Variants in TENM2 observed in about 807,000 individuals in gnomAD.
TENM2 encodes teneurin transmembrane protein 2.
A neutral mutation model predicts 245.2 loss-of-function variants in TENM2; 52 were observed. The ratio of observed to expected loss-of-function variants is 0.21; its 90% CI spans 0.17 to 0.27. The LOEUF is 0.27. TENM2 is among the 10% of genes least tolerant of loss of function. The pLI, the probability that TENM2 is intolerant of heterozygous loss-of-function variation, is 1.00. For synonymous variants in TENM2, 1,363 were observed against 1,438.9 expected, an observed-to-expected ratio of 0.95 and a Z score of 1.19; for missense variants, 3,046 against 3,666.8, an observed-to-expected ratio of 0.83 and a Z score of 4.37.
chr5:167,827,023 A>T (rs1268156529), intron 2 of TENM2, among the ~76,000 whole-genome samples: 1 of 152,240 alleles, frequency 6.6e-6, no homozygotes, highest in Non-Finnish European at 1.5e-5. Context: ...CACCAAGTAG[A>T]AACTGACTGT....
At chr5:167,263,486 A>G in the TENM2 span, among the ~76,000 whole-genome samples, 1 of 152,240 alleles carries the variant, frequency 6.6e-6, no homozygotes, top group Non-Finnish European at 1.5e-5. Context: ...ATCTCTGGAC[A>G]GAATTCTATG....
intron 2 of TENM2, among the ~76,000 whole-genome samples, chr5:167,452,931 T>TTTATATATATATATATA (rs1264260420): frequency 2.0e-4 from 1 of 4,886 alleles, no homozygotes; most frequent in East Asian, 6.5e-3. Context: ...AAAGTATGAT[T>TTTATATATATATATATA]TATATATATA....
At chr5:168,165,058 C>T (rs1259744162) in intron 13 of TENM2, 1 of 152,098 alleles carries the variant, frequency 6.6e-6, no homozygotes, top group East Asian at 1.9e-4. Flanking sequence ...TTATGATTGC[C>T]ATTGTGCCTG....
the TENM2 span, among the ~76,000 whole-genome samples, chr5:167,181,464 GT>G: frequency 1.1e-3 from 126 of 112,052 alleles, no homozygotes; most frequent in African/African-American, 5.3e-3. Flanking sequence ...GGAGCCGCTC[GT>G]TTGTGTGTGT....
intron 2 of TENM2, among the ~76,000 whole-genome samples, chr5:167,523,892 A>G (rs1194422954): frequency 2.0e-5 from 3 of 152,260 alleles, no homozygotes; most frequent in African/African-American, 7.2e-5. Context: ...TGTGCCCTTC[A>G]TTGAGATCAG....
chr5:167,483,919 A>G (rs367835141), intron 2 of TENM2, among the ~76,000 whole-genome samples: 1 of 152,222 alleles, frequency 6.6e-6, no homozygotes, highest in Non-Finnish European at 1.5e-5. Flanking sequence ...TTGACATTTC[A>G]TGGTAGCCTC....
At chr5:167,056,902 A>G in the TENM2 span, among the ~76,000 whole-genome samples, 11 of 151,254 alleles carry the variant, frequency 7.3e-5, no homozygotes, top group Non-Finnish European at 1.2e-4. Context: ...CTCAGTCATT[A>G]TTGCTTCAAA....
chr5:167,415,203 G>T (rs920817833), intron 2 of TENM2, among the ~76,000 whole-genome samples: 1 of 151,982 alleles, frequency 6.6e-6, no homozygotes, highest in South Asian at 2.1e-4. Context: ...TGTAGGATAG[G>T]TAAGTCCCTT....
intron 11 of TENM2, 130 bp from the exon 14 acceptor site, chr5:168,126,624 G>A (rs1795871506): frequency 6.0e-6 from 4 of 667,364 alleles, no homozygotes; most frequent in Non-Finnish European, 1.0e-5. Flanking sequence ...GGAGAGACAA[G>A]CCTCCAAAGA....
chr5:167,358,500 C>A (rs1759490144), intron 1 of TENM2, among the ~76,000 whole-genome samples: 1 of 151,556 alleles, frequency 6.6e-6, no homozygotes, highest in African/African-American at 2.4e-5. Flanking sequence ...GTTATTTGAC[C>A]CTTGTGGTCT....
intron 2 of TENM2, among the ~76,000 whole-genome samples, chr5:167,383,765 T>G: frequency 6.6e-6 from 1 of 151,202 alleles, no homozygotes; most frequent in East Asian, 1.9e-4. Flanking sequence ...CGTATAAATG[T>G]ACCTTCATTT....
chr5:167,635,813 T>G (rs1442127866), intron 2 of TENM2, among the ~76,000 whole-genome samples: 1 of 151,454 alleles, frequency 6.6e-6, no homozygotes, highest in Non-Finnish European at 1.5e-5. Context: ...CCCAGCTAAT[T>G]TTTTGTATTT....
chr5:167,649,187 A>G (rs72819700), intron 2 of TENM2, among the ~76,000 whole-genome samples: 5,121 of 152,282 alleles, frequency 0.034, 133 homozygotes, highest in Middle Eastern at 0.078. Flanking sequence ...GCAACACCTG[A>G]GTAGTGCTAC....
At chr5:167,954,300 G>GA (rs1392798946) in intron 4 of TENM2, among the ~76,000 whole-genome samples, 6 of 152,062 alleles carry the variant, frequency 3.9e-5, no homozygotes, top group African/African-American at 1.4e-4. Context: ...AAACTAACAC[G>GA]AAAAATCTGT....
intron 14 of TENM2, among the ~76,000 whole-genome samples, chr5:168,194,870 G>C (rs1431156161): frequency 6.6e-6 from 1 of 152,100 alleles, no homozygotes; most frequent in Non-Finnish European, 1.5e-5. Flanking sequence ...AAGAGCACCT[G>C]GGAATGATGA....
At chr5:167,966,234 G>T (rs1264866218) in intron 4 of TENM2, among the ~76,000 whole-genome samples, 1 of 152,166 alleles carries the variant, frequency 6.6e-6, no homozygotes, top group Non-Finnish European at 1.5e-5. Context: ...AAATATGAGT[G>T]CAGATTGACA....
chr5:167,751,442 G>A (rs116479341), intron 2 of TENM2, among the ~76,000 whole-genome samples: 3,927 of 152,258 alleles, frequency 0.026, 79 homozygotes, highest in Non-Finnish European at 0.04. Flanking sequence ...TGTCTTTTGG[G>A]AGTTTACAAT....
At chr5:167,575,858 G>A (rs1176484911) in intron 2 of TENM2, among the ~76,000 whole-genome samples, 1 of 152,102 alleles carries the variant, frequency 6.6e-6, no homozygotes, top group Non-Finnish European at 1.5e-5. Flanking sequence ...GAATCTTGAA[G>A]TAGCTTTTCT....
At chr5:167,675,711 A>G (rs1485694035) in intron 2 of TENM2, among the ~76,000 whole-genome samples, 2 of 152,110 alleles carry the variant, frequency 1.3e-5, no homozygotes, top group Non-Finnish European at 2.9e-5. Context: ...TTCTATCAAC[A>G]TAGTGGGAAA....
Sources: allele counts gnomAD v4.1 joint callset (sites outside exome capture counted in the v4.1 genomes callset), GRCh38; gene constraint gnomAD v4.1.1; transcripts MANE v1.5; gene names NCBI Gene and HGNC (gene_info 2026-07-23, HGNC 2026-07-21).